The following SLCO1B1 variants were observed in gnomAD, a reference collection of about 807,000 sequenced individuals.
SLCO1B1 encodes solute carrier organic anion transporter family member 1B1, also known as OATP-2.
SLCO1B1 carries 81 observed loss-of-function variants against 70.1 expected under a neutral mutation model. The ratio of observed to expected loss-of-function variants is 1.16; its 90% CI spans 0.97 to 1.39. The LOEUF is 1.39. Among genes scored for constraint, SLCO1B1 ranks in the 40% most tolerant of loss-of-function variants. The pLI is 0.00. For missense variants in SLCO1B1, 895 were observed against 799.6 expected, an observed-to-expected ratio of 1.12 and a Z score of -1.44; for synonymous variants, 283 against 271.5, an observed-to-expected ratio of 1.04 and a Z score of -0.42.
intron 7 of SLCO1B1, among the ~76,000 whole-genome samples, chr12:21,191,737 GA>G (rs1297336106): frequency 2.6e-5 from 4 of 152,004 alleles, no homozygotes; most frequent in Non-Finnish European, 5.9e-5. Flanking sequence ...TTTCACTCTT[GA>G]ATTTAATGCT....
At chr12:21,186,891 G>T (rs371075585) in intron 7 of SLCO1B1, among the ~76,000 whole-genome samples, 118 of 152,128 alleles carry the variant, frequency 7.8e-4, no homozygotes, top group Admixed American at 2.6e-3. Context: ...GAAGGTGAGG[G>T]ATCTAAAACT....
intron 7 of SLCO1B1, among the ~76,000 whole-genome samples, chr12:21,185,900 C>G (rs1184330201): frequency 6.6e-6 from 1 of 151,890 alleles, no homozygotes; most frequent in Non-Finnish European, 1.5e-5. Flanking sequence ...TTACAACTCC[C>G]ATAGAAATGC....
At chr12:21,139,121 C>T (rs80158613) in intron 1 of SLCO1B1, among the ~76,000 whole-genome samples, 4,720 of 151,962 alleles carry the variant, frequency 0.031, 171 homozygotes, top group East Asian at 0.11. Flanking sequence ...GAAAGAAAAT[C>T]GAAGCCTAAA....
chr12:21,132,401 G>A (rs1940150499), intron 1 of SLCO1B1, among the ~76,000 whole-genome samples: 1 of 152,174 alleles, frequency 6.6e-6, no homozygotes, highest in South Asian at 2.1e-4. Context: ...GATCCCTGAG[G>A]AATCGCCACA....
At chr12:21,149,130 C>T (rs1940431717) in intron 2 of SLCO1B1, among the ~76,000 whole-genome samples, 1 of 152,102 alleles carries the variant, frequency 6.6e-6, no homozygotes, top group Non-Finnish European at 1.5e-5. Context: ...TGGGCTGAGA[C>T]AATGGGGTTT....
chr12:21,141,509 A>AAT lies in SLCO1B1; in HGVS notation c.-61-3_-61-2dup, dbSNP rs1940307037. On this transcript the variant is annotated splice_polypyrimidine_tract_variant and splice_region_variant and intron_variant, in intron 1 of 14. Coordinates refer to ENST00000256958, the MANE Select transcript of SLCO1B1 (RefSeq NM_006446.5). The stretch of plus-strand genomic sequence containing the variant: ...AAATAAACTATACTTTTTCTTCCTT[A>AAT]ATAGGTGATTGTTTCAAACTGAGCA... 1 of 911,332 alleles carries AAT rather than the reference A, an allele frequency of 1.1e-6. No individual in the cohort carries two copies. The highest frequency in any genetic ancestry group is 1.6e-5 in the African/African-American group (1 of 61,364). The allele number at this position is 911,332 out of a possible 1,614,324, so 56.5% of individuals were successfully genotyped here. A position where few individuals can be genotyped will look rare whatever the true frequency, so the allele number is the denominator to read the frequency against.
chr12:21,181,832 A>G (rs921542779), intron 7 of SLCO1B1, among the ~76,000 whole-genome samples: 1 of 152,182 alleles, frequency 6.6e-6, no homozygotes, highest in Non-Finnish European at 1.5e-5. Flanking sequence ...GAGAAAATTT[A>G]TAGATGAATT....
At chr12:21,219,962 C>T (rs1355379450) in intron 12 of SLCO1B1, among the ~76,000 whole-genome samples, 10 of 152,002 alleles carry the variant, frequency 6.6e-5, no homozygotes, top group African/African-American at 2.4e-4. Flanking sequence ...GGTTTTACCA[C>T]GTTGGCCAGG....
intron 2 of SLCO1B1, among the ~76,000 whole-genome samples, chr12:21,159,200 T>C (rs1019132027): frequency 4.6e-5 from 7 of 152,136 alleles, no homozygotes; most frequent in Non-Finnish European, 7.4e-5. Context: ...AAGTAATCAA[T>C]AGAGAGCCAA....
At chr12:21,238,393 T>A (rs1279778998) in intron 14 of SLCO1B1, among the ~76,000 whole-genome samples, 1 of 152,206 alleles carries the variant, frequency 6.6e-6, no homozygotes, top group Non-Finnish European at 1.5e-5. Context: ...ATAGTTGTTT[T>A]AAATTCCATT....
At chr12:21,132,846 AT>A (rs1368592204) in intron 1 of SLCO1B1, among the ~76,000 whole-genome samples, 8 of 151,818 alleles carry the variant, frequency 5.3e-5, no homozygotes, top group Non-Finnish European at 5.9e-5. Flanking sequence ...ATTATATCTC[AT>A]TTGTCATTTT....
intron 1 of SLCO1B1, among the ~76,000 whole-genome samples, chr12:21,135,868 C>T (rs1311453814): frequency 6.6e-6 from 1 of 152,110 alleles, no homozygotes; most frequent in Non-Finnish European, 1.5e-5. Context: ...TGAATTTGAT[C>T]CTGTCATTGT....
chr12:21,148,170 C>T (rs940440054), intron 2 of SLCO1B1, among the ~76,000 whole-genome samples: 4 of 152,172 alleles, frequency 2.6e-5, no homozygotes, highest in Non-Finnish European at 5.9e-5. Flanking sequence ...CCTGTTCACT[C>T]TGATGATAGT....
At chr12:21,211,758 A>G (rs889423640) in intron 11 of SLCO1B1, among the ~76,000 whole-genome samples, 1 of 152,210 alleles carries the variant, frequency 6.6e-6, no homozygotes, top group African/African-American at 2.4e-5. Context: ...TGGTCTATTC[A>G]GAGATTCAAC....
intron 12 of SLCO1B1, among the ~76,000 whole-genome samples, chr12:21,219,493 A>G (rs1483358718): frequency 6.6e-6 from 1 of 152,204 alleles, no homozygotes; most frequent in East Asian, 1.9e-4. Flanking sequence ...AAAGACTTTG[A>G]AATATATTCT....
chr12:21,236,764 G>T (rs1361334510), intron 14 of SLCO1B1, among the ~76,000 whole-genome samples: 1 of 152,060 alleles, frequency 6.6e-6, no homozygotes, highest in Admixed American at 6.6e-5. Flanking sequence ...TTTTTATTTG[G>T]TACTTCTTTA....
At chr12:21,226,817 G>A (rs775289284) in intron 14 of SLCO1B1, among the ~76,000 whole-genome samples, 19 of 151,882 alleles carry the variant, frequency 1.3e-4, no homozygotes, top group Non-Finnish European at 2.2e-4. Context: ...TGTGGGGCGG[G>A]GAGTATATGG....
chr12:21,140,737 T>C (rs1041912928), intron 1 of SLCO1B1, among the ~76,000 whole-genome samples: 1 of 152,050 alleles, frequency 6.6e-6, no homozygotes, highest in Non-Finnish European at 1.5e-5. Flanking sequence ...GTTTAAGGTA[T>C]GCTACCATTT....
intron 11 of SLCO1B1, 67 bp from the exon 12 acceptor site, chr12:21,217,052 C>A (rs1167594736): frequency 1.8e-5 from 20 of 1,141,494 alleles, no homozygotes; most frequent in Non-Finnish European, 2.4e-5. Flanking sequence ...AAATATAATG[C>A]AATGTATTTG....
Sources: gnomAD v4.1 joint callset for allele counts (sites outside exome capture counted in the v4.1 genomes callset) on GRCh38, gnomAD v4.1.1 for gene constraint, MANE v1.5 for transcripts, NCBI Gene and HGNC (gene_info 2026-07-23, HGNC 2026-07-21) for gene names.